Variants in UVSSA observed in about 807,000 individuals in gnomAD.
UVSSA encodes the protein UV stimulated scaffold protein A.
A neutral mutation model predicts 73.9 loss-of-function variants in UVSSA; 72 were observed. The ratio of observed to expected loss-of-function variants is 0.97; its 90% CI spans 0.81 to 1.19. The LOEUF is 1.19. Ranked by LOEUF, UVSSA falls within the 50% of genes most tolerant of loss-of-function variation. The pLI, the probability that UVSSA is intolerant of heterozygous loss-of-function variation, is 0.00. For missense variants in UVSSA, 1,150 were observed against 965.0 expected (o/e 1.19, Z -2.54); for synonymous variants, 454 against 391.3 (o/e 1.16, Z -1.89).
At chr4:1,354,428 C>T (rs781541766) in intron 5 of UVSSA, 131 of 389,484 alleles carry the variant, frequency 3.4e-4, no homozygotes, top group Middle Eastern at 7.7e-4. Context: ...CGTGTGGGGG[C>T]GGTGAGTAGA....
At chr4:1,377,315 C>T (rs918492296) in intron 10 of UVSSA, among the ~76,000 whole-genome samples, 4 of 152,156 alleles carry the variant, frequency 2.6e-5, no homozygotes, top group East Asian at 1.9e-4. Flanking sequence ...GGCTCACACA[C>T]GACACACGAG....
rs201883654 is a variant in UVSSA at position 1,395,094 on chromosome 4, G to A, written c.*9133G>A. On this transcript the variant is annotated 3_prime_UTR_variant, in exon 14 of 14. Transcript: ENST00000511216. ...TGCCCGCCTGATCACACGTGCCCATGTGGAGTGCTCGCCTGCTCACACGTG... is the reference window on the plus strand; with the variant it reads ...TGCCCGCCTGATCACACGTGCCCATATGGAGTGCTCGCCTGCTCACACGTG... The A allele has an allele frequency of 4.0e-5, 53 of 1,325,902 alleles. 16 individuals are homozygous for A. Among genetic ancestry groups the A allele is most frequent in the Non-Finnish European group, 2.4e-5 (23 of 955,424 alleles). 82.1% of individuals were successfully genotyped at this position (1,325,902 alleles called of 1,614,324 possible).
intron 7 of UVSSA, among the ~76,000 whole-genome samples, 173 bp downstream of exon 7, chr4:1,355,418 GGT>G (rs1715569646): frequency 2.0e-5 from 3 of 152,220 alleles, no homozygotes; most frequent in African/African-American, 7.2e-5. Flanking sequence ...GTGAGCCCAG[GGT>G]CATCACCATG....
In UVSSA at chr4:1,353,174, C is replaced by G. The variant is rs778183745; in HGVS notation, c.695C>G (p.Ala232Gly). 1.2e-6 allele frequency: 2 copies of G among 1,612,702 alleles called. No homozygotes were observed. Among genetic ancestry groups the G allele is most frequent in the Admixed American group, 1.7e-5 (1 of 60,008 alleles). ...GMSDALRSSC[A>G]GQVGPCRSGT... ...TCCGATGCCCTTCGCTCCTCCTGCG[C>G]GGGCCAGGTGGGCCCCTGCCGGTCT... is the stretch of plus-strand genomic sequence containing the variant. Residue 232 changes from alanine to glycine, a missense_variant, in exon 5 of 14, where the codon GCG (alanine) becomes GGG (glycine). Ala to Gly is a moderately conservative substitution (Grantham distance 60, BLOSUM62 0). Coordinates refer to ENST00000389851, the MANE Select transcript of UVSSA (RefSeq NM_020894.4).
At chr4:1,346,232 TACC>T (rs1200405026), upstream of UVSSA, among the ~76,000 whole-genome samples, 1 of 152,216 alleles carries the variant, frequency 6.6e-6, no homozygotes, top group Non-Finnish European at 1.5e-5. Context: ...AGTTGTGAGC[TACC>T]ACCACCGTAA....
intron 8 of UVSSA, among the ~76,000 whole-genome samples, chr4:1,370,059 G>A (rs1717839776): frequency 6.6e-6 from 1 of 152,382 alleles, no homozygotes; most frequent in Middle Eastern, 3.4e-3. Flanking sequence ...GCAAGTGGGA[G>A]TGTGTTTAGT....
At chr4:1,347,183 G>T (rs1359452479), upstream of UVSSA, 2 of 152,128 alleles carry the variant, frequency 1.3e-5, no homozygotes, top group Admixed American at 6.6e-5. Flanking sequence ...AAGAGGGGCG[G>T]TCCCCCCGCC....
chr4:1,370,641 G>A (rs1465752201), intron 8 of UVSSA, among the ~76,000 whole-genome samples: 1 of 152,246 alleles, frequency 6.6e-6, no homozygotes, highest in Non-Finnish European at 1.5e-5. Context: ...TCCACGTGTA[G>A]ATGGTGGGTG....
downstream of UVSSA, chr4:1,390,348 G>C (rs377431436): frequency 4.5e-4 from 69 of 152,200 alleles, no homozygotes; most frequent in African/African-American, 1.5e-3. Context: ...TCCCAGGCTG[G>C]AGTGCAGTGC....
exon 14 of UVSSA, chr4:1,394,045 A>C: frequency 3.9e-6 from 1 of 258,970 alleles, no homozygotes; most frequent in Non-Finnish European, 7.5e-6. Flanking sequence ...CGCAGTTGAT[A>C]TGTGGTCAGT....
At chr4:1,375,277 T>C in intron 8 of UVSSA, 87 bp from the exon 9 acceptor site, 1 of 1,571,062 alleles carries the variant, frequency 6.4e-7, no homozygotes, top group East Asian at 2.2e-5. Flanking sequence ...CGCTAACGCA[T>C]AGGCGCGTCC....
At chr4:1,361,056 C>A (rs1451830610) in intron 7 of UVSSA, among the ~76,000 whole-genome samples, 1 of 152,232 alleles carries the variant, frequency 6.6e-6, no homozygotes, top group Non-Finnish European at 1.5e-5. Flanking sequence ...ACCCAGGACC[C>A]CCGGCCCGCA....
intron 8 of UVSSA, among the ~76,000 whole-genome samples, chr4:1,369,775 G>A (rs1248486267): frequency 2.0e-5 from 3 of 152,240 alleles, no homozygotes; most frequent in African/African-American, 7.2e-5. Flanking sequence ...GCAAATAGGT[G>A]CCACTTGGCC....
intron 10 of UVSSA, 117 bp from the exon 11 acceptor site, chr4:1,379,930 A>C: frequency 8.1e-7 from 1 of 1,238,204 alleles, no homozygotes; most frequent in Non-Finnish European, 1.1e-6. Flanking sequence ...TGCTGTCCAC[A>C]GTGTTGGGGT....
intron 10 of UVSSA, among the ~76,000 whole-genome samples, chr4:1,377,041 C>T (rs1471353894): frequency 6.6e-6 from 1 of 152,216 alleles, no homozygotes; most frequent in Non-Finnish European, 1.5e-5. Context: ...GTGCAAACAC[C>T]GTAACCACTA....
upstream of UVSSA, among the ~76,000 whole-genome samples, chr4:1,347,095 C>A (rs1277023661): frequency 6.6e-6 from 1 of 151,840 alleles, no homozygotes; most frequent in African/African-American, 2.4e-5. Flanking sequence ...TAGGTGCAGT[C>A]GTCGCTGTGG....
At chr4:1,374,912 C>G (rs1718566310) in intron 8 of UVSSA, 1 of 179,416 alleles carries the variant, frequency 5.6e-6, no homozygotes, top group Non-Finnish European at 1.2e-5. Context: ...TGTGGGTGGC[C>G]TTTCCAAGCG....
intron 5 of UVSSA, 52 bp downstream of exon 5, chr4:1,353,465 T>G: frequency 7.0e-7 from 1 of 1,435,934 alleles, no homozygotes; most frequent in Non-Finnish European, 9.1e-7. Context: ...GGCTCCCGGG[T>G]AGGCTCCTCC....
At position 1,351,836 on chromosome 4, in the gene UVSSA, G is replaced by A; in HGVS notation, c.550+1G>A. The stretch of plus-strand genomic sequence containing the variant: ...AGCCAGGCGGAGAGGGAGATGCAAG[G>A]CAAGTGTCCAGGACGGAGGGAGGGG... On this transcript the variant is annotated splice_donor_variant, in intron 4 of 13. Transcript: ENST00000389851. LOFTEE classifies it high-confidence loss of function. 2.5e-6 allele frequency: 4 copies of A among 1,612,898 alleles called. No homozygotes were observed. The highest frequency in any genetic ancestry group is 3.4e-6 in the Non-Finnish European group (4 of 1,179,356).
Sources: allele counts gnomAD v4.1 joint callset (sites outside exome capture counted in the v4.1 genomes callset), GRCh38; gene constraint gnomAD v4.1.1; transcripts MANE v1.5; gene names NCBI Gene and HGNC (gene_info 2026-07-23, HGNC 2026-07-21).